EML2: variants seen among roughly 807,000 people sequenced by gnomAD.
The protein encoded by EML2 is EMAP like 2.
Under a neutral mutation model 84.7 loss-of-function variants are expected in EML2, and 59 were observed. The observed-to-expected ratio is 0.70, with a 90% CI of 0.56 to 0.86. EML2 has a LOEUF of 0.86. EML2 is among the 40% of genes least tolerant of loss of function. EML2 has a pLI of 0.00. For synonymous variants in EML2, 352 were observed against 348.9 expected (o/e 1.01, Z -0.10); for missense variants, 818 against 855.6 (o/e 0.96, Z 0.55).
intron 7 of EML2, among the ~76,000 whole-genome samples, chr19:45,629,561 T>G (rs1300057351): frequency 6.6e-6 from 1 of 151,620 alleles, no homozygotes; most frequent in Non-Finnish European, 1.5e-5. Context: ...TGACCTCAGG[T>G]GATCTGCCTG....
At chr19:45,619,793 G>T (rs908297496) in intron 11 of EML2, among the ~76,000 whole-genome samples, 1 of 152,168 alleles carries the variant, frequency 6.6e-6, no homozygotes, top group Non-Finnish European at 1.5e-5. Context: ...GGTGGCTCAC[G>T]CCGGTAATCC....
At chr19:45,644,644 C>T (rs551693824), upstream of EML2, 30 of 455,360 alleles carry the variant, frequency 6.6e-5, no homozygotes, top group African/African-American at 5.0e-4. Context: ...CAGCCTTTTC[C>T]CAGAGACCAG....
intron 7 of EML2, 137 bp from the exon 8 acceptor site, chr19:45,626,976 T>TTC: frequency 2.4e-6 from 2 of 821,818 alleles, no homozygotes; most frequent in Non-Finnish European, 3.5e-6. Flanking sequence ...TTTTTTTTTT[T>TTC]CAGGGCAGAG....
At chr19:45,629,800 G>A (rs1419425884) in intron 7 of EML2, 151 bp downstream of exon 7, 18 of 637,494 alleles carry the variant, frequency 2.8e-5, no homozygotes, top group Middle Eastern at 5.5e-4. Context: ...AAGGCTCTGA[G>A]GTGGCAAGCG....
At position 45,609,931 on chromosome 19, in the gene EML2, T is replaced by C. The variant is rs1048762826; in HGVS notation, c.1825-143A>G. ...CACTTAGAGTGAAGTCACTTAGGTA[T>C]GAGCACAGCTTCAATGCAGCCTTGA... On this transcript the variant is annotated intron_variant, in intron 18 of 18. Coordinates refer to ENST00000245925, the MANE Select transcript of EML2 (RefSeq NM_012155.4). 5.3e-5 allele frequency: 50 copies of C among 951,806 alleles called. No individual in the cohort carries two copies. In the African/African-American group the frequency reaches 7.8e-4, roughly 15 times the overall value. 59.0% of individuals were successfully genotyped at this position (951,806 alleles called of 1,614,324 possible). A position where few individuals can be genotyped will look rare whatever the true frequency, so the allele number is the denominator to read the frequency against.
upstream of EML2, among the ~76,000 whole-genome samples, chr19:45,643,064 A>C (rs1485663352): frequency 2.0e-4 from 31 of 152,204 alleles, no homozygotes; most frequent in Admixed American, 2.0e-3. Context: ...TCTATGAGTG[A>C]TAAGAGCATT....
chr19:45,632,699 G>C, intron 6 of EML2, 162 bp downstream of exon 6: 1 of 621,502 alleles, frequency 1.6e-6, no homozygotes, highest in Non-Finnish European at 2.8e-6. Flanking sequence ...TGACTCACCC[G>C]CCCCTTGGGG....
rs755956070 is a variant in EML2 at position 45,616,015 on chromosome 19, G to A, written c.1510-126C>T. On this transcript the variant is annotated intron_variant, in intron 15 of 18. Coordinates refer to ENST00000245925, the MANE Select transcript of EML2 (RefSeq NM_012155.4). The stretch of plus-strand genomic sequence containing the variant: ...GGGCGAGAACACAAGGGGACTAAAG[G>A]AAGGATACACAGGCCTTTGGAGTAT... The A allele has an allele frequency of 2.3e-4, 169 of 729,018 alleles. 1 individual carries two copies. The highest frequency in any genetic ancestry group is 2.4e-4 in the Non-Finnish European group (98 of 414,010). The allele number at this position is 729,018 out of a possible 1,614,324, so 45.2% of individuals were successfully genotyped here.
At chr19:45,630,099 C>T (rs1233899098) in intron 6 of EML2, 53 bp from the exon 7 acceptor site, 1 of 1,355,910 alleles carries the variant, frequency 7.4e-7, no homozygotes, top group Non-Finnish European at 1.0e-6. Flanking sequence ...CAGGGCCCAT[C>T]CTCCCCCCAT....
upstream of EML2, chr19:45,642,532 C>T (rs1206990720): frequency 5.7e-6 from 8 of 1,413,700 alleles, no homozygotes; most frequent in Non-Finnish European, 6.4e-6. Context: ...GAAGGAAATC[C>T]CCACAGCTCT....
chr19:45,627,922 G>C (rs12979428), intron 7 of EML2, among the ~76,000 whole-genome samples: 3 of 151,870 alleles, frequency 2.0e-5, no homozygotes, highest in African/African-American at 7.3e-5. Context: ...TTAGCTGGTC[G>C]TGGTGGTGCA....
At chr19:45,619,923 C>T (rs1275666657) in intron 11 of EML2, among the ~76,000 whole-genome samples, 1 of 152,002 alleles carries the variant, frequency 6.6e-6, no homozygotes, top group African/African-American at 2.4e-5. Flanking sequence ...TGGTGGTGCA[C>T]ACTTGTAGCC....
At chr19:45,628,827 G>GTAAGTAA (rs1972685242) in intron 7 of EML2, 1 of 131,642 alleles carries the variant, frequency 7.6e-6, no homozygotes, top group Middle Eastern at 3.8e-3. Context: ...CCGTCTCAAA[G>GTAAGTAA]TAAGTAAGTA....
Position 45,633,117 on chromosome 19 carries a change from C to A in EML2, c.352G>T (p.Val118Phe), listed in dbSNP as rs1973274598. The A allele has an allele frequency of 6.2e-7, 1 of 1,604,444 alleles. No individual in the cohort carries two copies. Among genetic ancestry groups the A allele is most frequent in the Non-Finnish European group, 8.5e-7 (1 of 1,175,950 alleles). ...GCCACCTGTCCCGTGGCGATGGTGA[C>A]CATATCTGGGTGGATGGCCAAGCTG... ...IKCLAIHPDM[V>F]TIATGQVAGT... Residue 118 changes from valine (V) to phenylalanine (F), a missense_variant, in exon 5 of 19, where the codon GTC becomes TTC. Transcript: ENST00000245925.
intron 3 of EML2, among the ~76,000 whole-genome samples, chr19:45,637,525 C>A (rs1481021076): frequency 7.4e-6 from 1 of 134,878 alleles, no homozygotes; most frequent in African/African-American, 2.9e-5. Context: ...GTCGCCCAGG[C>A]TGGAGTGCAA....
upstream of EML2, chr19:45,641,583 T>C: frequency 6.6e-7 from 1 of 1,504,330 alleles, no homozygotes; most frequent in Non-Finnish European, 8.9e-7. Flanking sequence ...CATGACTACA[T>C]TTCTCGACCA....
intron 16 of EML2, 120 bp from the exon 17 acceptor site, chr19:45,614,820 T>A: frequency 2.5e-6 from 2 of 787,208 alleles, no homozygotes; most frequent in Non-Finnish European, 4.3e-6. Context: ...CCAGGGCTCA[T>A]TCTACCTGTC....
intron 18 of EML2, among the ~76,000 whole-genome samples, chr19:45,612,198 G>A (rs1206677810): frequency 6.6e-6 from 1 of 152,086 alleles, no homozygotes; most frequent in African/African-American, 2.4e-5. Flanking sequence ...CTGTGTAGCT[G>A]GGATTACAGG....
chr19:45,610,557 G>T (rs1374417863), intron 18 of EML2, among the ~76,000 whole-genome samples: 1 of 151,898 alleles, frequency 6.6e-6, no homozygotes, highest in African/African-American at 2.4e-5. Context: ...ACAAAATTAG[G>T]CCTGGCGTGG....
Sources: gnomAD v4.1 joint callset for allele counts (sites outside exome capture counted in the v4.1 genomes callset) on GRCh38, gnomAD v4.1.1 for gene constraint, MANE v1.5 for transcripts, NCBI Gene and HGNC (gene_info 2026-07-23, HGNC 2026-07-21) for gene names.